Variants in TM9SF2 observed in about 807,000 individuals in gnomAD.
TM9SF2 encodes transmembrane 9 superfamily member 2, also known as 76 kDa membrane protein.
In TM9SF2, 13 loss-of-function variants were observed where a neutral mutation model predicts 84.9. The ratio of observed to expected loss-of-function variants is 0.15; its 90% CI spans 0.10 to 0.24. The LOEUF (loss-of-function observed/expected upper bound fraction) is 0.24. Ranked by LOEUF, TM9SF2 falls within the 10% of genes least tolerant of loss-of-function variation. The pLI, the probability that TM9SF2 is intolerant of heterozygous loss-of-function variation, is 1.00. For synonymous variants in TM9SF2, 273 were observed against 285.8 expected (o/e 0.96, Z 0.45); for missense variants, 562 against 818.5 (o/e 0.69, Z 3.82).
intron 4 of TM9SF2, among the ~76,000 whole-genome samples, chr13:99,532,372 T>G (rs1242722342): frequency 6.6e-6 from 1 of 152,090 alleles, no homozygotes; most frequent in Non-Finnish European, 1.5e-5. Flanking sequence ...TTTTAGCTCT[T>G]TCTTCTACCC....
chr13:99,540,740 T>TAG lies in TM9SF2; in HGVS notation c.857_858dup (p.Trp287AspfsTer20). On this transcript the variant is annotated frameshift_variant, in exon 8 of 17. Coordinates refer to ENST00000376387, the MANE Select transcript of TM9SF2 (RefSeq NM_004800.3). LOFTEE classifies it high-confidence loss of function. ...AAGATGATAAGATCAGATGGGCGTC[T>TAG]AGATGGGACTATATTCTGGAGTCTA... 1 of 1,613,868 alleles carries TAG rather than the reference T, an allele frequency of 6.2e-7. No individual in the cohort carries two copies. Among genetic ancestry groups the TAG allele is most frequent in the Non-Finnish European group, 8.5e-7 (1 of 1,179,894 alleles).
intron 4 of TM9SF2, among the ~76,000 whole-genome samples, chr13:99,530,995 G>C (rs1594052765): frequency 6.6e-6 from 1 of 151,728 alleles, no homozygotes; most frequent in African/African-American, 2.4e-5. Flanking sequence ...TGAGTAGCTG[G>C]GATTACATGT....
At chr13:99,519,922 C>T (rs571521745) in intron 2 of TM9SF2, 114 bp from the exon 3 acceptor site, 5 of 785,064 alleles carry the variant, frequency 6.4e-6, no homozygotes, top group Admixed American at 2.9e-5. Flanking sequence ...ATTTCTTACT[C>T]ATCTACTAGA....
chr13:99,545,212 A>G (rs1020201803), intron 10 of TM9SF2, among the ~76,000 whole-genome samples: 1 of 152,188 alleles, frequency 6.6e-6, no homozygotes, highest in Non-Finnish European at 1.5e-5. Flanking sequence ...CCAAATTTTT[A>G]TGATAAAATT....
chr13:99,544,123 G>T (rs568889683), intron 10 of TM9SF2, 128 bp downstream of exon 10: 4 of 995,946 alleles, frequency 4.0e-6, no homozygotes, highest in Non-Finnish European at 4.4e-6. Context: ...AGGCCAAGGC[G>T]GGTGGATGAC....
rs141573317 is a variant in TM9SF2, at chr13:99,501,678, G to A, written c.72G>A (p.Leu24=). ...TGTTGCTGCTGTCGCTGCTCCTGCT[G>A]GGGGCGGTTCCTGGCCCGCGCCGGA... The part of the protein sequence containing the change: ...PRLLLLSLLL[L]GAVPGPRRSG... The change falls in exon 1 of 17, where the codon CTG becomes CTA. Residue 24 remains leucine (L), a synonymous_variant. Transcript: ENST00000376387. 518 of 1,613,152 alleles carry A rather than the reference G, an allele frequency of 3.2e-4. No homozygotes were observed. The highest frequency in any genetic ancestry group is 4.0e-4 in the Non-Finnish European group (467 of 1,179,750).
chr13:99,528,089 AAGG>A (rs2046191940), intron 3 of TM9SF2, among the ~76,000 whole-genome samples: 1 of 152,238 alleles, frequency 6.6e-6, no homozygotes, highest in Admixed American at 6.5e-5. Context: ...TGCGTGTTAT[AAGG>A]AGGATTTGTT....
At chr13:99,536,215 A>G (rs1330156541) in intron 4 of TM9SF2, among the ~76,000 whole-genome samples, 4 of 152,146 alleles carry the variant, frequency 2.6e-5, no homozygotes, top group Non-Finnish European at 4.4e-5. Flanking sequence ...TAGTATTGTT[A>G]AATTAGCAAT....
At chr13:99,535,386 T>C (rs2046229463) in intron 4 of TM9SF2, among the ~76,000 whole-genome samples, 1 of 152,236 alleles carries the variant, frequency 6.6e-6, no homozygotes, top group South Asian at 2.1e-4. Flanking sequence ...ATACTATATA[T>C]TGCTAGTATA....
intron 16 of TM9SF2, among the ~76,000 whole-genome samples, chr13:99,559,963 G>A (rs887315347): frequency 6.6e-6 from 1 of 151,922 alleles, no homozygotes; most frequent in East Asian, 1.9e-4. Flanking sequence ...AAAGATAATG[G>A]GACATTCCTT....
At chr13:99,540,494 T>TG in intron 7 of TM9SF2, 1 of 315,320 alleles carries the variant, frequency 3.2e-6, no homozygotes. Context: ...TACTAGGAAT[T>TG]CTTTTTTTTT....
rs1282315477 is a variant in TM9SF2, at chr13:99,554,293, T to C, written c.1489-11T>C. On this transcript the variant is annotated splice_polypyrimidine_tract_variant and intron_variant, in intron 13 of 16. Coordinates refer to ENST00000376387, the MANE Select transcript of TM9SF2 (RefSeq NM_004800.3). ...GTAATTATGAATTCTTCCTTCCTTT[T>C]TTTACTGAAGGCCATTGAACACCCA... is the stretch of plus-strand genomic sequence containing the variant. 1.9e-6 allele frequency: 3 copies of C among 1,604,586 alleles called. No homozygotes were observed. In the African/African-American group the frequency reaches 4.0e-5, roughly 22 times the overall value.
intron 2 of TM9SF2, among the ~76,000 whole-genome samples, chr13:99,519,288 C>G (rs935740753): frequency 6.6e-6 from 1 of 151,196 alleles, no homozygotes; most frequent in Non-Finnish European, 1.5e-5. Context: ...AACTTCCCAG[C>G]CCCAGTTTTT....
rs1226402703 is a variant in TM9SF2 at position 99,501,517 on chromosome 13, T to C, written c.-90T>C. On this transcript the variant is annotated 5_prime_UTR_variant, in exon 1 of 17. Coordinates refer to ENST00000376387, the MANE Select transcript of TM9SF2 (RefSeq NM_004800.3). ...TCTGGGGGCCGGCTTCCTTTATCTCTGGCGGCCTTGTAGTCGTCTCCGAGA... is the reference window on the plus strand; with the variant it reads ...TCTGGGGGCCGGCTTCCTTTATCTCCGGCGGCCTTGTAGTCGTCTCCGAGA... The C allele has an allele frequency of 2.7e-6, 4 of 1,489,580 alleles. No individual in the cohort carries two copies. In the Admixed American group the frequency reaches 6.6e-5, roughly 24 times the overall value. 92.3% of individuals were successfully genotyped at this position (1,489,580 alleles called of 1,614,324 possible).
intron 2 of TM9SF2, 65 bp downstream of exon 2, chr13:99,517,746 G>T: frequency 8.6e-7 from 1 of 1,158,260 alleles, no homozygotes. Flanking sequence ...TGTACATTGA[G>T]AACTTTGTTT....
intron 1 of TM9SF2, among the ~76,000 whole-genome samples, chr13:99,511,189 A>G (rs2046112147): frequency 6.6e-6 from 1 of 152,184 alleles, no homozygotes; most frequent in African/African-American, 2.4e-5. Context: ...TTCAAAATTC[A>G]AAAAGTTGAA....
At position 99,562,918 on chromosome 13, in the gene TM9SF2, CATAAG is replaced by C; in HGVS notation, c.*163_*167del. 1.7e-6 allele frequency: 1 copy of C among 596,574 alleles called. No homozygotes were observed. Among genetic ancestry groups the C allele is most frequent in the Non-Finnish European group, 2.9e-6 (1 of 348,308 alleles). The allele number at this position is 596,574 out of a possible 1,614,324, so 37.0% of individuals were successfully genotyped here. A position where few individuals can be genotyped will look rare whatever the true frequency, so the allele number is the denominator to read the frequency against. On this transcript the variant is annotated 3_prime_UTR_variant, in exon 17 of 17. Transcript: ENST00000376387. ...AACCTCTTCCCATACACCTTTCCCC[CATAAG>C]ATGTGTCTTCAACACTATAAAGCAT...
intron 12 of TM9SF2, among the ~76,000 whole-genome samples, chr13:99,550,242 T>G (rs1390665500): frequency 6.6e-6 from 1 of 152,188 alleles, no homozygotes; most frequent in Non-Finnish European, 1.5e-5. Context: ...CCTTCTTATT[T>G]CCATCTCATT....
At chr13:99,539,370 C>G in intron 6 of TM9SF2, 76 bp from the exon 7 acceptor site, 1 of 881,606 alleles carries the variant, frequency 1.1e-6, no homozygotes, top group Non-Finnish European at 1.9e-6. Context: ...AAAATACGTA[C>G]AAAATCTGTA....
Sources: gnomAD v4.1 joint callset for allele counts (sites outside exome capture counted in the v4.1 genomes callset) on GRCh38, gnomAD v4.1.1 for gene constraint, MANE v1.5 for transcripts, NCBI Gene and HGNC (gene_info 2026-07-23, HGNC 2026-07-21) for gene names.